Variants in CDH18 observed in about 807,000 individuals in gnomAD.
CDH18 encodes the protein cadherin-18.
CDH18 carries 31 observed loss-of-function variants against 67.9 expected under a neutral mutation model. The ratio of observed to expected loss-of-function variants is 0.46; its 90% CI spans 0.34 to 0.62. The LOEUF (loss-of-function observed/expected upper bound fraction) is 0.62. Ranked by LOEUF, CDH18 falls within the 20% of genes least tolerant of loss-of-function variation. The pLI is 0.01. For missense variants in CDH18, 890 were observed against 975.5 expected (o/e 0.91, Z 1.17); for synonymous variants, 362 against 347.2 (o/e 1.04, Z -0.48).
chr5:19,918,392 C>T (rs1792061546), intron 2 of CDH18, among the ~76,000 whole-genome samples: 1 of 152,110 alleles, frequency 6.6e-6, no homozygotes, highest in African/African-American at 2.4e-5. Flanking sequence ...AGAAATTATG[C>T]TTCAAAACTT....
chr5:20,430,512 G>A (rs1748654978), intron 1 of CDH18, among the ~76,000 whole-genome samples: 1 of 152,118 alleles, frequency 6.6e-6, no homozygotes, highest in Non-Finnish European at 1.5e-5. Flanking sequence ...TATGACCTTG[G>A]AAAGTTGCTT....
chr5:20,535,686 G>A (rs373178613), intron 1 of CDH18, among the ~76,000 whole-genome samples: 1 of 150,196 alleles, frequency 6.7e-6, no homozygotes, highest in African/African-American at 2.4e-5. Context: ...ATCATAAACT[G>A]TTTTCAGCTC....
At position 19,724,829 on chromosome 5, in the gene CDH18, T is replaced by C. The variant is rs79813419; in HGVS notation, c.524-3363A>G. Among the ~76,000 whole-genome samples, 16 of 152,246 alleles carry C rather than the reference T, an allele frequency of 1.1e-4. No homozygotes were observed. In the East Asian group the frequency reaches 2.9e-3, roughly 28 times the overall value. On this transcript the variant is annotated intron_variant, in intron 4 of 12. Transcript: ENST00000382275. The stretch of plus-strand genomic sequence containing the variant: ...TATACCGCTAACCTTTCTGGCTTGA[T>C]TAAATCAGTTCCCACCACAAACTGT...
chr5:20,125,200 G>C (rs916142683), intron 2 of CDH18, among the ~76,000 whole-genome samples: 1 of 152,142 alleles, frequency 6.6e-6, no homozygotes, highest in Non-Finnish European at 1.5e-5. Context: ...TTTTAGACAG[G>C]CTTAAGGAGG....
chr5:19,902,907 G>T (rs1790098264), intron 2 of CDH18, among the ~76,000 whole-genome samples: 1 of 151,986 alleles, frequency 6.6e-6, no homozygotes. Context: ...TCAAGTAAAT[G>T]GGCATAAGAA....
intron 2 of CDH18, among the ~76,000 whole-genome samples, chr5:20,187,616 A>AAC (rs1738203688): frequency 6.6e-6 from 1 of 151,964 alleles, no homozygotes; most frequent in Non-Finnish European, 1.5e-5. Context: ...AAGCGATACA[A>AAC]GAAGCATTAT....
intron 2 of CDH18, among the ~76,000 whole-genome samples, chr5:19,959,661 G>A (rs1208182314): frequency 1.3e-5 from 2 of 151,986 alleles, no homozygotes; most frequent in Admixed American, 1.3e-4. Context: ...CTGTATCTTG[G>A]AGACAGATTT....
intron 2 of CDH18, among the ~76,000 whole-genome samples, chr5:19,864,351 G>C (rs1250082680): frequency 6.9e-6 from 1 of 145,104 alleles, no homozygotes; most frequent in Non-Finnish European, 1.5e-5. Context: ...ACACAGGAAG[G>C]GGAACATCAC....
At chr5:19,560,921 G>A (rs984389473) in intron 8 of CDH18, among the ~76,000 whole-genome samples, 3 of 151,888 alleles carry the variant, frequency 2.0e-5, no homozygotes, top group Admixed American at 6.6e-5. Context: ...TCAACATCAC[G>A]AATTATCAGG....
At chr5:19,893,241 T>G (rs981133733) in intron 2 of CDH18, among the ~76,000 whole-genome samples, 6 of 152,304 alleles carry the variant, frequency 3.9e-5, no homozygotes, top group Admixed American at 1.3e-4. Flanking sequence ...CATGGCCTTT[T>G]GCTATAGCAG....
chr5:20,050,536 T>TACATA (rs1741329298), intron 2 of CDH18, among the ~76,000 whole-genome samples: 1 of 151,884 alleles, frequency 6.6e-6, no homozygotes, highest in Non-Finnish European at 1.5e-5. Context: ...TTTCAATGAG[T>TACATA]CATTAAACAC....
chr5:19,724,137 T>C (rs1766493220), intron 4 of CDH18, among the ~76,000 whole-genome samples: 1 of 152,202 alleles, frequency 6.6e-6, no homozygotes, highest in Non-Finnish European at 1.5e-5. Context: ...GAGAGACTTG[T>C]TAAATGAACT....
intron 3 of CDH18, among the ~76,000 whole-genome samples, chr5:19,792,578 T>C (rs1024765225): frequency 4.6e-5 from 7 of 152,128 alleles, no homozygotes; most frequent in South Asian, 2.1e-4. Flanking sequence ...TATCTATCTA[T>C]CTGTTGATCC....
intron 1 of CDH18, among the ~76,000 whole-genome samples, chr5:20,376,748 G>C (rs2150093412): frequency 6.6e-6 from 1 of 152,146 alleles, no homozygotes; most frequent in South Asian, 2.1e-4. Context: ...TGGGCGTGGT[G>C]GCTCACACAT....
rs374153118 is a variant in CDH18 at position 19,598,115 on chromosome 5, A to T, written c.812-6871T>A. Among the ~76,000 whole-genome samples the T allele has an allele frequency of 8.5e-5, 13 of 152,272 alleles. No individual in the cohort carries two copies. The South Asian group carries it at 1.7e-3, about 19-fold the overall frequency. On this transcript the variant is annotated intron_variant, in intron 6 of 12. Coordinates refer to ENST00000382275, the MANE Select transcript of CDH18 (RefSeq NM_004934.5). ...CAGCTATAAAAAAGGCCCTCTCTAG[A>T]GTTTTAGAACACAGACCTTCCCTGG...
intron 2 of CDH18, among the ~76,000 whole-genome samples, chr5:20,174,545 C>CT (rs35040481): frequency 6.6e-6 from 1 of 152,056 alleles, no homozygotes; most frequent in African/African-American, 2.4e-5. Context: ...ATTTATTCAC[C>CT]TTTTTTGGGG....
chr5:20,431,735 G>A (rs1008018532), intron 1 of CDH18, among the ~76,000 whole-genome samples: 1 of 151,826 alleles, frequency 6.6e-6, no homozygotes, highest in East Asian at 1.9e-4. Flanking sequence ...CATTTTGCTG[G>A]GCAGAACTCT....
intron 5 of CDH18, among the ~76,000 whole-genome samples, chr5:19,616,310 TC>T (rs199914992): frequency 5.9e-5 from 9 of 151,610 alleles, no homozygotes; most frequent in Middle Eastern, 3.4e-3. Flanking sequence ...ATACATTGAT[TC>T]CCCCCCACCC....
chr5:19,671,112 A>G (rs1758691850), intron 5 of CDH18, among the ~76,000 whole-genome samples: 1 of 152,122 alleles, frequency 6.6e-6, no homozygotes, highest in Non-Finnish European at 1.5e-5. Flanking sequence ...GGTAAGAAAT[A>G]AAAATTTGTT....
Sources: allele counts gnomAD v4.1 joint callset (sites outside exome capture counted in the v4.1 genomes callset), GRCh38; gene constraint gnomAD v4.1.1; transcripts MANE v1.5; gene names NCBI Gene and HGNC (gene_info 2026-07-23, HGNC 2026-07-21).